The following MALRD1 variants were observed in gnomAD, a reference collection of about 807,000 sequenced individuals.
MALRD1 encodes the protein MAM and LDL receptor class A domain containing 1.
A neutral mutation model predicts 242.1 loss-of-function variants in MALRD1; 247 were observed. The observed-to-expected ratio is 1.02, with a 90% CI of 0.92 to 1.13. MALRD1 has a LOEUF of 1.13. MALRD1 is among the 50% of genes most tolerant of loss of function. MALRD1 has a pLI of 0.00. For missense variants in MALRD1, 2,989 were observed against 2,533.1 expected, an observed-to-expected ratio of 1.18 and a Z score of -3.86; for synonymous variants, 995 against 866.6, an observed-to-expected ratio of 1.15 and a Z score of -2.60.
At chr10:19,202,183 G>T (rs1287191044) in intron 14 of MALRD1, among the ~76,000 whole-genome samples, 2 of 151,460 alleles carry the variant, frequency 1.3e-5, no homozygotes, top group East Asian at 3.9e-4. Context: ...TTTATATACT[G>T]AAGTATAGCT....
intron 19 of MALRD1, among the ~76,000 whole-genome samples, chr10:19,271,137 A>G (rs2131848567): frequency 6.6e-6 from 1 of 152,304 alleles, no homozygotes; most frequent in East Asian, 1.9e-4. Context: ...CTAGATACAT[A>G]AGGAGAAATG....
intron 28 of MALRD1, among the ~76,000 whole-genome samples, chr10:19,407,511 T>C (rs1377666474): frequency 1.3e-5 from 2 of 151,828 alleles, no homozygotes; most frequent in Non-Finnish European, 2.9e-5. Context: ...AAATAAAAAA[T>C]AAAGAACTTC....
intron 1 of MALRD1, among the ~76,000 whole-genome samples, chr10:19,051,057 T>A (rs1211658485): frequency 6.6e-6 from 1 of 152,252 alleles, no homozygotes; most frequent in Non-Finnish European, 1.5e-5. Context: ...CTTTTCATTT[T>A]CATTTCTGAG....
chr10:19,285,222 A>G (rs1841048018), intron 21 of MALRD1, among the ~76,000 whole-genome samples: 1 of 143,658 alleles, frequency 7.0e-6, no homozygotes, highest in Non-Finnish European at 1.5e-5. Context: ...CTCTGATGGT[A>G]GTTTCTTTTG....
intron 26 of MALRD1, among the ~76,000 whole-genome samples, chr10:19,379,713 G>A (rs1845755686): frequency 6.6e-6 from 1 of 152,036 alleles, no homozygotes; most frequent in Non-Finnish European, 1.5e-5. Context: ...GGTCCAGCTA[G>A]TGACTATTTC....
intron 18 of MALRD1, among the ~76,000 whole-genome samples, chr10:19,212,949 A>G (rs1307035426): frequency 6.6e-6 from 1 of 151,996 alleles, no homozygotes; most frequent in Non-Finnish European, 1.5e-5. Context: ...TTCATTATTA[A>G]ATTTTGAGCT....
intron 36 of MALRD1, among the ~76,000 whole-genome samples, chr10:19,673,778 CT>C (rs1375512565): frequency 2.0e-5 from 3 of 151,930 alleles, no homozygotes; most frequent in Non-Finnish European, 4.4e-5. Flanking sequence ...TTTATAATGT[CT>C]CTTTAAAATC....
chr10:19,463,823 A>G (rs946625133), intron 29 of MALRD1, among the ~76,000 whole-genome samples: 2 of 152,296 alleles, frequency 1.3e-5, no homozygotes, highest in African/African-American at 2.4e-5. Context: ...ACTAGTTTAC[A>G]TTCCCACCAG....
intron 18 of MALRD1, among the ~76,000 whole-genome samples, chr10:19,220,063 G>C (rs1468795421): frequency 6.6e-6 from 1 of 152,046 alleles, no homozygotes; most frequent in East Asian, 1.9e-4. Flanking sequence ...TATCTAATTT[G>C]GTTGTAACTA....
chr10:19,097,756 G>A (rs1414247481), intron 4 of MALRD1, among the ~76,000 whole-genome samples: 1 of 152,176 alleles, frequency 6.6e-6, no homozygotes, highest in East Asian at 1.9e-4. Context: ...CTGGACTTGG[G>A]AGTGTCCTGG....
rs1057425251 is a variant in MALRD1 at position 19,607,906 on chromosome 10, C to G, written c.6070+4C>G. The G allele has an allele frequency of 2.4e-5, 37 of 1,548,726 alleles. No individual in the cohort carries two copies. Among genetic ancestry groups the G allele is most frequent in the Non-Finnish European group, 3.1e-5 (36 of 1,146,024 alleles). ...CTTGATGAGTCCAGCTGCTCCGGTA[C>G]CCCATTTCCATTCAGATATTCTTGT... On this transcript the variant is annotated splice_donor_region_variant and intron_variant, in intron 35 of 39. Transcript: ENST00000454679.
intron 38 of MALRD1, among the ~76,000 whole-genome samples, chr10:19,720,146 C>A (rs944656829): frequency 8.6e-5 from 13 of 151,996 alleles, no homozygotes; most frequent in Admixed American, 7.2e-4. Context: ...TTGGTGTTGA[C>A]TTTTTTATGA....
intron 26 of MALRD1, among the ~76,000 whole-genome samples, chr10:19,384,435 A>G (rs1348131527): frequency 1.7e-4 from 20 of 117,254 alleles, no homozygotes; most frequent in African/African-American, 6.4e-4. Context: ...ACCATATATT[A>G]TATATTATAT....
intron 23 of MALRD1, 59 bp downstream of exon 23, chr10:19,327,732 T>G: frequency 7.6e-7 from 1 of 1,323,782 alleles, no homozygotes; most frequent in Non-Finnish European, 1.1e-6. Flanking sequence ...TCATCCTCAT[T>G]TATTTCCTTC....
intron 28 of MALRD1, among the ~76,000 whole-genome samples, chr10:19,428,418 G>T (rs539762119): frequency 6.6e-6 from 1 of 151,832 alleles, no homozygotes; most frequent in African/African-American, 2.4e-5. Context: ...CCCTGAATAC[G>T]ATCTTCTGCC....
intron 36 of MALRD1, among the ~76,000 whole-genome samples, chr10:19,655,528 GTGTATATATATATATATATATATATA>G (rs1480184473): frequency 1.2e-4 from 12 of 102,940 alleles, no homozygotes; most frequent in African/African-American, 4.0e-4. Flanking sequence ...ATATGTGTGA[GTGTATATATATATATATATATATATA>G]TATATATATA....
intron 18 of MALRD1, among the ~76,000 whole-genome samples, chr10:19,210,416 G>T (rs1243424196): frequency 1.3e-5 from 2 of 152,144 alleles, no homozygotes; most frequent in Admixed American, 6.5e-5. Flanking sequence ...CTGGGATTTG[G>T]ACCAGAACTC....
chr10:19,172,849 C>T (rs1413422503), intron 13 of MALRD1, among the ~76,000 whole-genome samples: 2 of 151,920 alleles, frequency 1.3e-5, no homozygotes, highest in African/African-American at 2.4e-5. Flanking sequence ...ATCACAGTCA[C>T]TTAATGGTAT....
intron 21 of MALRD1, among the ~76,000 whole-genome samples, chr10:19,283,708 A>G (rs979849586): frequency 6.6e-6 from 1 of 152,346 alleles, no homozygotes; most frequent in African/African-American, 2.4e-5. Flanking sequence ...AAATCATGCC[A>G]TTAAATATTC....
Sources: gnomAD v4.1 joint callset for allele counts (sites outside exome capture counted in the v4.1 genomes callset) on GRCh38, gnomAD v4.1.1 for gene constraint, MANE v1.5 for transcripts, NCBI Gene and HGNC (gene_info 2026-07-23, HGNC 2026-07-21) for gene names.